NUDC: variants seen among roughly 807,000 people sequenced by gnomAD.
NUDC encodes nuclear migration protein nudC.
Under a neutral mutation model 45.0 loss-of-function variants are expected in NUDC, and 14 were observed. The ratio of observed to expected loss-of-function variants is 0.31; its 90% CI spans 0.21 to 0.49. NUDC has a LOEUF of 0.49. Among genes scored for constraint, NUDC ranks in the 20% least tolerant of loss-of-function variants. The probability of loss-of-function intolerance (pLI) is 0.99; values close to 1 mark genes in which losing one functional copy is unlikely to be tolerated. For missense variants in NUDC, 323 were observed against 426.2 expected (o/e 0.76, Z 2.13); for synonymous variants, 153 against 156.7 (o/e 0.98, Z 0.17).
Position 26,941,519 on chromosome 1 carries a change from A to C in NUDC, c.222A>C (p.Arg74Ser). The change falls in exon 3 of 9, where the codon AGA becomes AGC. Residue 74 changes from arginine (R) to serine (S), a missense_variant. By Grantham distance (110) the Arg-to-Ser change is moderately radical (BLOSUM62 -1). Around this residue, in one of 3 missense-constraint regions of NUDC, gnomAD observed 245 missense variants for 278.8 expected, o/e 0.88. Transcript: ENST00000321265. ...CACAGAAGACCCGGCGGGAGAAGAG[A>C]GCCCGGCAGGAGGCCGAGCGGCGGG... ...QLAQKTRREK[R>S]ARQEAERREK... The C allele has an allele frequency of 1.2e-6, 2 of 1,614,040 alleles. No individual in the cohort carries two copies. The highest frequency in any genetic ancestry group is 1.7e-6 in the Non-Finnish European group (2 of 1,180,008).
At chr1:26,944,968 G>A (rs996209316) in intron 6 of NUDC, among the ~76,000 whole-genome samples, 18 of 152,154 alleles carry the variant, frequency 1.2e-4, no homozygotes, top group African/African-American at 4.1e-4. Context: ...CTTGAACCCG[G>A]GAGGCAGAGG....
intron 2 of NUDC, among the ~76,000 whole-genome samples, chr1:26,927,393 C>A (rs558993198): frequency 2.7e-5 from 4 of 145,750 alleles, no homozygotes; most frequent in East Asian, 4.0e-4. Context: ...CCTAATTTTT[C>A]TTTTTCTTTT....
In NUDC at chr1:26,942,966, G is replaced by A; in HGVS notation, c.642G>A (p.Gln214=). Residue 214 remains glutamine, a synonymous_variant, in exon 6 of 9, where the codon CAG becomes CAA. Transcript: ENST00000321265. ...RRHLRVGLKG[Q]PAIIDGELYN... ...ACCTCCGGGTGGGGCTCAAGGGGCA[G>A]CCAGCGATCATTGATGGGGAGCTCT... is the stretch of plus-strand genomic sequence containing the variant. 6.2e-7 allele frequency: 1 copy of A among 1,614,178 alleles called. No homozygotes were observed. Among genetic ancestry groups the A allele is most frequent in the Non-Finnish European group, 8.5e-7 (1 of 1,180,022 alleles).
chr1:26,917,900 A>AAT (rs2082069565), upstream of NUDC, among the ~76,000 whole-genome samples: 1 of 151,370 alleles, frequency 6.6e-6, no homozygotes, highest in African/African-American at 2.4e-5. Context: ...AAAAAAAAAA[A>AAT]GAAGAAGAAA....
upstream of NUDC, among the ~76,000 whole-genome samples, chr1:26,917,801 G>T (rs982376947): frequency 1.3e-5 from 2 of 151,646 alleles, no homozygotes; most frequent in Non-Finnish European, 2.9e-5. Context: ...CAGGAGAATC[G>T]CTTGAACCTG....
At chr1:26,914,588 T>G (rs2082051266) in intron 3 of NUDC, among the ~76,000 whole-genome samples, 1 of 152,064 alleles carries the variant, frequency 6.6e-6, no homozygotes, top group South Asian at 2.1e-4. Flanking sequence ...AGGAATAAGG[T>G]CCTTCAGAAT....
intron 2 of NUDC, among the ~76,000 whole-genome samples, chr1:26,907,621 A>C (rs1001384121): frequency 1.3e-5 from 2 of 151,804 alleles, no homozygotes; most frequent in African/African-American, 4.9e-5. Context: ...CTGACTACTT[A>C]ATAGGCAGTC....
At chr1:26,931,445 C>A (rs2082183192) in intron 2 of NUDC, among the ~76,000 whole-genome samples, 1 of 143,704 alleles carries the variant, frequency 7.0e-6, no homozygotes, top group African/African-American at 2.6e-5. Context: ...TGCAGTGGCA[C>A]CATTTCGGCT....
chr1:26,943,184 CA>C lies in NUDC; in HGVS notation c.741+121del, dbSNP rs2082292984. 18 of 1,033,080 alleles carry C rather than the reference CA, an allele frequency of 1.7e-5. No homozygotes were observed. The South Asian group carries it at 2.3e-4, about 13-fold the overall frequency. 64.0% of individuals were successfully genotyped at this position (1,033,080 alleles called of 1,614,324 possible). ...TGTGGGATTATCTTAATCCCCATGACAACACTCTTTAAAGTAGATCTGTCTC... is the reference window on the plus strand; with the variant it reads ...TGTGGGATTATCTTAATCCCCATGACACACTCTTTAAAGTAGATCTGTCTC... On this transcript the variant is annotated intron_variant, in intron 6 of 8. Transcript: ENST00000321265.
At chr1:26,927,319 G>T (rs1185987044) in intron 2 of NUDC, among the ~76,000 whole-genome samples, 1 of 146,488 alleles carries the variant, frequency 6.8e-6, no homozygotes, top group East Asian at 2.0e-4. Context: ...GTCTTGCTCT[G>T]TTGTCCCAGC....
intron 2 of NUDC, among the ~76,000 whole-genome samples, chr1:26,907,923 A>G (rs2082009418): frequency 6.6e-6 from 1 of 152,224 alleles, no homozygotes; most frequent in Non-Finnish European, 1.5e-5. Flanking sequence ...TCATGCCTGT[A>G]ATCCCAGCAC....
At chr1:26,907,634 C>T (rs929279243) in intron 2 of NUDC, among the ~76,000 whole-genome samples, 2 of 151,902 alleles carry the variant, frequency 1.3e-5, no homozygotes, top group Admixed American at 6.6e-5. Flanking sequence ...AGGCAGTCAA[C>T]GATTTGGCTA....
intron 2 of NUDC, among the ~76,000 whole-genome samples, chr1:26,928,037 A>T (rs903513727): frequency 6.6e-6 from 1 of 152,202 alleles, no homozygotes; most frequent in Non-Finnish European, 1.5e-5. Flanking sequence ...TTTAGTTTTT[A>T]TAGCTTTTGG....
At chr1:26,931,865 T>A (rs879272276) in intron 2 of NUDC, among the ~76,000 whole-genome samples, 1 of 151,340 alleles carries the variant, frequency 6.6e-6, no homozygotes, top group Non-Finnish European at 1.5e-5. Flanking sequence ...TTTTGTATTT[T>A]TAGTAGAGAC....
exon 1 of NUDC, chr1:26,900,276 G>A (rs965847358): frequency 3.7e-6 from 6 of 1,614,016 alleles, no homozygotes. Context: ...CTGCGGAGGG[G>A]CCCGCTCAGG....
At chr1:26,921,621 A>C, upstream of NUDC, 1 of 591,484 alleles carries the variant, frequency 1.7e-6, no homozygotes, top group South Asian at 2.0e-5. Flanking sequence ...AATGTCGACC[A>C]ATGGTCGGCG....
At position 26,942,891 on chromosome 1, in the gene NUDC, G is replaced by C. The variant is rs376755295; in HGVS notation, c.567G>C (p.Val189=). 6.2e-7 allele frequency: 1 copy of C among 1,613,822 alleles called. No homozygotes were observed. The highest frequency in any genetic ancestry group is 8.5e-7 in the Non-Finnish European group (1 of 1,180,036). Residue 189 remains valine (V), a synonymous_variant, in exon 6 of 9, where the codon GTG becomes GTC. Coordinates refer to ENST00000321265, the MANE Select transcript of NUDC (RefSeq NM_006600.4). ...TGCAGCTGGCGGTCCCTTTCTGTGT[G>C]AACTTCCGGCTGAAAGGGAAGGACA... ...SELDLAVPFC[V]NFRLKGKDMV...
upstream of NUDC, among the ~76,000 whole-genome samples, chr1:26,920,416 G>C (rs2082083215): frequency 6.6e-6 from 1 of 152,068 alleles, no homozygotes; most frequent in Non-Finnish European, 1.5e-5. Context: ...GGGAGGCAGA[G>C]GTTGCAGTGA....
At chr1:26,927,845 C>T (rs2082146886) in intron 2 of NUDC, among the ~76,000 whole-genome samples, 1 of 152,126 alleles carries the variant, frequency 6.6e-6, no homozygotes, top group African/African-American at 2.4e-5. Context: ...TTCAGAAAGG[C>T]AATACAGTGC....
Sources: gnomAD v4.1 joint callset for allele counts (sites outside exome capture counted in the v4.1 genomes callset) on GRCh38, gnomAD v4.1.1 for gene constraint, gnomAD v4.1.1 regional missense constraint, MANE v1.5 for transcripts, NCBI Gene and HGNC (gene_info 2026-07-23, HGNC 2026-07-21) for gene names.